The following PLCE1 variants were observed in gnomAD, a reference collection of about 807,000 sequenced individuals.
PLCE1 encodes 1-phosphatidylinositol 4,5-bisphosphate phosphodiesterase epsilon-1.
A neutral mutation model predicts 242.8 loss-of-function variants in PLCE1; 119 were observed. That is an observed-to-expected ratio of 0.49 (90% CI 0.42 to 0.57). The LOEUF is 0.57. Among genes scored for constraint, PLCE1 ranks in the 20% least tolerant of loss-of-function variants. The pLI, the probability that PLCE1 is intolerant of heterozygous loss-of-function variation, is 0.00. For missense variants in PLCE1, 2,441 were observed against 2,788.8 expected (o/e 0.88, Z 2.81); for synonymous variants, 945 against 1,017.4 (o/e 0.93, Z 1.35).
intron 4 of PLCE1, among the ~76,000 whole-genome samples, chr10:94,213,815 G>T (rs967278525): frequency 6.6e-6 from 1 of 152,144 alleles, no homozygotes; most frequent in African/African-American, 2.4e-5. Context: ...TTAATTATCA[G>T]TATTAGTTGA....
chr10:94,168,678 G>A (rs1204893402), intron 3 of PLCE1, among the ~76,000 whole-genome samples: 1 of 152,076 alleles, frequency 6.6e-6, no homozygotes, highest in East Asian at 1.9e-4. Flanking sequence ...TTTCCCATAT[G>A]ACATCTTATC....
At chr10:94,221,012 G>T (rs1019854291) in intron 4 of PLCE1, among the ~76,000 whole-genome samples, 3 of 152,172 alleles carry the variant, frequency 2.0e-5, no homozygotes, top group Admixed American at 2.0e-4. Context: ...GGCCAGAGAG[G>T]TGATTTACAA....
chr10:94,277,979 C>T (rs992018205), intron 19 of PLCE1, among the ~76,000 whole-genome samples: 9 of 152,140 alleles, frequency 5.9e-5, no homozygotes, highest in African/African-American at 2.2e-4. Flanking sequence ...TTTTCCATAA[C>T]ACCTATTAAC....
chr10:94,014,492 C>A (rs961070946), intron 1 of PLCE1, among the ~76,000 whole-genome samples: 1 of 150,342 alleles, frequency 6.7e-6, no homozygotes, highest in African/African-American at 2.4e-5. Flanking sequence ...GTAGTCCCAG[C>A]TGAATGAGAT....
chr10:94,074,444 A>G (rs886296266), intron 2 of PLCE1, among the ~76,000 whole-genome samples: 1 of 152,112 alleles, frequency 6.6e-6, no homozygotes, highest in Non-Finnish European at 1.5e-5. Flanking sequence ...AGCTCAAGCT[A>G]TCCTCCAAAG....
At chr10:94,271,408 AG>A (rs2051730585) in intron 18 of PLCE1, among the ~76,000 whole-genome samples, 1 of 135,020 alleles carries the variant, frequency 7.4e-6, no homozygotes, top group South Asian at 2.3e-4. Flanking sequence ...TCTGCCTCCC[AG>A]GTTCACACCA....
chr10:94,141,571 A>G (rs1409860941), intron 3 of PLCE1, among the ~76,000 whole-genome samples: 1 of 125,088 alleles, frequency 8.0e-6, no homozygotes, highest in African/African-American at 3.4e-5. Context: ...AGGGAAGGCT[A>G]AGGGAAGGTG....
chr10:94,081,618 T>C (rs1589975964), intron 2 of PLCE1, among the ~76,000 whole-genome samples: 1 of 152,378 alleles, frequency 6.6e-6, no homozygotes, highest in Non-Finnish European at 1.5e-5. Context: ...CTAGTACCTC[T>C]AGTATGATAT....
At chr10:94,250,896 T>G (rs1441038316) in intron 8 of PLCE1, among the ~76,000 whole-genome samples, 1 of 152,224 alleles carries the variant, frequency 6.6e-6, no homozygotes. Flanking sequence ...TCATGAAATG[T>G]TTATTCCAAT....
chr10:94,290,093 C>T (rs1409071853), intron 22 of PLCE1, among the ~76,000 whole-genome samples: 1 of 152,100 alleles, frequency 6.6e-6, no homozygotes, highest in Non-Finnish European at 1.5e-5. Context: ...GTGGTGGAAT[C>T]ATGGCTCACC....
At chr10:94,127,201 G>A (rs760926808) in intron 2 of PLCE1, among the ~76,000 whole-genome samples, 3 of 152,154 alleles carry the variant, frequency 2.0e-5, no homozygotes, top group Non-Finnish European at 2.9e-5. Context: ...CTCCCAAAAC[G>A]TACCGACTTT....
At position 94,254,907 on chromosome 10, in the gene PLCE1, G is replaced by T; in HGVS notation, c.3412G>T (p.Ala1138Ser). 6.2e-7 allele frequency: 1 copy of T among 1,613,928 alleles called. No homozygotes were observed. The highest frequency in any genetic ancestry group is 8.5e-7 in the Non-Finnish European group (1 of 1,179,932). ...CATCCTCACAGAGGTGAATGCCATC[G>T]CTAACCCTCCAAACCCCCTCCCTTC... ...EQEESEVNAI[A>S]NPPNPLPSRR... Residue 1138 changes from alanine to serine, a missense_variant, in exon 11 of 33, where the codon GCT becomes TCT. Ala to Ser is a moderately conservative substitution (Grantham distance 99). This residue lies in a region of PLCE1 where 1,004 missense variants were observed against 1,322.7 expected (regional missense o/e 0.76). Coordinates refer to ENST00000371380, the MANE Select transcript of PLCE1 (RefSeq NM_016341.4).
chr10:94,021,231 G>GTT (rs34518277), intron 1 of PLCE1, among the ~76,000 whole-genome samples: 24 of 121,256 alleles, frequency 2.0e-4, no homozygotes, highest in African/African-American at 6.5e-4. Context: ...CTTCTTAATG[G>GTT]TTTTTTTTTT....
At chr10:94,025,560 CAT>C (rs780575502) in intron 1 of PLCE1, among the ~76,000 whole-genome samples, 11 of 152,134 alleles carry the variant, frequency 7.2e-5, no homozygotes, top group Non-Finnish European at 1.5e-4. Flanking sequence ...ATTTGTTCAG[CAT>C]ATATTGAGCA....
intron 4 of PLCE1, among the ~76,000 whole-genome samples, chr10:94,221,516 C>A (rs2049745233): frequency 6.6e-6 from 1 of 152,224 alleles, no homozygotes; most frequent in Non-Finnish European, 1.5e-5. Context: ...GTGGGTGGAT[C>A]ACCTGAGGTC....
At chr10:94,097,091 G>C (rs1187808334) in intron 2 of PLCE1, among the ~76,000 whole-genome samples, 1 of 152,170 alleles carries the variant, frequency 6.6e-6, no homozygotes, top group Non-Finnish European at 1.5e-5. Flanking sequence ...ATGAAACTGA[G>C]GACCAGAGAC....
In PLCE1 at chr10:94,255,878, TCA is replaced by T. The variant is rs1206355849; in HGVS notation, c.3554+865_3554+866del. ...TAAAACAGGAACTCTTTACTTTATCTCACACACACACACACACACACACACAC... is the reference window on the plus strand; with the variant it reads ...TAAAACAGGAACTCTTTACTTTATCTCACACACACACACACACACACACAC... On this transcript the variant is annotated intron_variant, in intron 11 of 32. Coordinates refer to ENST00000371380, the MANE Select transcript of PLCE1 (RefSeq NM_016341.4). 2.4e-3 allele frequency among the ~76,000 whole-genome samples: 159 copies of T among 66,740 alleles called. 2 individuals are homozygous for T. The highest frequency in any genetic ancestry group is 4.7e-3 in the African/African-American group (68 of 14,570). The allele number at this position is 66,740 out of a possible 152,430, so 43.8% of individuals were successfully genotyped here.
chr10:94,289,845 C>G (rs1216129402), intron 22 of PLCE1, among the ~76,000 whole-genome samples: 1 of 151,980 alleles, frequency 6.6e-6, no homozygotes, highest in Non-Finnish European at 1.5e-5. Flanking sequence ...ACACTGTACA[C>G]TAAGGCTACA....
chr10:94,027,262 A>G (rs2061466282), intron 1 of PLCE1, among the ~76,000 whole-genome samples: 1 of 152,186 alleles, frequency 6.6e-6, no homozygotes, highest in Non-Finnish European at 1.5e-5. Context: ...TGCAGATTAT[A>G]GCTCTATTTA....
Sources: gnomAD v4.1 joint callset for allele counts (sites outside exome capture counted in the v4.1 genomes callset) on GRCh38, gnomAD v4.1.1 for gene constraint, gnomAD v4.1.1 regional missense constraint, MANE v1.5 for transcripts, NCBI Gene and HGNC (gene_info 2026-07-23, HGNC 2026-07-21) for gene names.